The following GRK6 variants were observed in gnomAD, a reference collection of about 807,000 sequenced individuals.
GRK6 encodes G protein-coupled receptor kinase 6.
In GRK6, 37 loss-of-function variants were observed where a neutral mutation model predicts 80.8. The ratio of observed to expected loss-of-function variants is 0.46; its 90% CI spans 0.35 to 0.60. GRK6 has a LOEUF of 0.60. Among genes scored for constraint, GRK6 ranks in the 20% least tolerant of loss-of-function variants. The probability of loss-of-function intolerance (pLI) is 0.00; values close to 1 mark genes in which losing one functional copy is unlikely to be tolerated. For synonymous variants in GRK6, 295 were observed against 320.9 expected (o/e 0.92, Z 0.86); for missense variants, 560 against 784.6 (o/e 0.71, Z 3.42).
chr5:177,427,114 C>T (rs1395204011), intron 1 of GRK6, among the ~76,000 whole-genome samples: 2 of 152,070 alleles, frequency 1.3e-5, no homozygotes, highest in Non-Finnish European at 2.9e-5. Flanking sequence ...CAGGCCGCCG[C>T]CCTCGCGGCG....
chr5:177,431,202 CA>C (rs1439683785), intron 2 of GRK6, among the ~76,000 whole-genome samples: 1 of 152,218 alleles, frequency 6.6e-6, no homozygotes. Context: ...GGGAATAGGG[CA>C]GGGGCAGATT....
chr5:177,434,343 T>C (rs180833299), intron 9 of GRK6, among the ~76,000 whole-genome samples: 1 of 152,290 alleles, frequency 6.6e-6, no homozygotes, highest in Admixed American at 6.5e-5. Flanking sequence ...CCCCCCACCG[T>C]GTGACCTTGG....
intron 6 of GRK6, 23 bp from the exon 7 acceptor site, chr5:177,433,324 T>G (rs1763996457): frequency 6.2e-7 from 1 of 1,613,892 alleles, no homozygotes; most frequent in Non-Finnish European, 8.5e-7. Context: ...AGCCAGCGTT[T>G]GCTTCCCCAC....
At position 177,434,893 on chromosome 5, in the gene GRK6, T is replaced by C. The variant is rs183152765; in HGVS notation, c.930-9T>C. 2.9e-4 allele frequency: 472 copies of C among 1,613,250 alleles called. No individual in the cohort carries two copies. The highest frequency in any genetic ancestry group is 3.7e-4 in the Non-Finnish European group (438 of 1,179,810). On this transcript the variant is annotated splice_polypyrimidine_tract_variant and intron_variant, in intron 9 of 15. Coordinates refer to ENST00000355472, the MANE Select transcript of GRK6 (RefSeq NM_001004106.3). ...AGCAGCATCTGACCCTGCTCTTCTC[T>C]CTGCACAGGGACCTGAAGCCCGAGA...
chr5:177,436,015 G>T (rs1764129788), intron 11 of GRK6, 58 bp from the exon 12 acceptor site: 4 of 1,468,792 alleles, frequency 2.7e-6, no homozygotes, highest in Admixed American at 1.7e-5. Context: ...CGTTCCTGGG[G>T]CCTGAGGGTC....
rs368737569 is a variant in GRK6, at chr5:177,434,950, G to C, written c.967+11G>C. On this transcript the variant is annotated intron_variant, in intron 10 of 15. Transcript: ENST00000355472. ...TGCTGGATGACCACGGTGTGTAAGGGTGCCTGGGGTGGGTCAGGGTGGGGT... is the reference window on the plus strand; with the variant it reads ...TGCTGGATGACCACGGTGTGTAAGGCTGCCTGGGGTGGGTCAGGGTGGGGT... 1.6e-4 allele frequency: 260 copies of C among 1,613,342 alleles called. 1 individual carries two copies. Among genetic ancestry groups the C allele is most frequent in the Admixed American group, 5.0e-5 (3 of 60,004 alleles).
intron 13 of GRK6, chr5:177,438,520 G>GC (rs1315371641): frequency 6.6e-6 from 1 of 152,292 alleles, no homozygotes; most frequent in African/African-American, 2.4e-5. Flanking sequence ...TGGGGTGTGA[G>GC]CATTCCAGGC....
intron 5 of GRK6, 52 bp downstream of exon 5, chr5:177,432,858 T>C (rs1581678342): frequency 7.2e-7 from 1 of 1,395,220 alleles, no homozygotes; most frequent in African/African-American, 1.4e-5. Flanking sequence ...GGAGGGGGCT[T>C]CTGGGGGCCA....
chr5:177,441,107 G>T, intron 15 of GRK6, 54 bp downstream of exon 15: 1 of 1,598,780 alleles, frequency 6.3e-7, no homozygotes, highest in Non-Finnish European at 8.5e-7. Context: ...AGGGGACGGT[G>T]GGTGGGAGGC....
At chr5:177,425,754 T>A (rs1247736088), upstream of GRK6, among the ~76,000 whole-genome samples, 2 of 152,238 alleles carry the variant, frequency 1.3e-5, no homozygotes, top group African/African-American at 4.8e-5. Flanking sequence ...TCGCGGAGTT[T>A]GGGCAAGCCT....
At chr5:177,426,982 C>T in intron 1 of GRK6, 85 bp downstream of exon 1, 1 of 938,918 alleles carries the variant, frequency 1.1e-6, no homozygotes, top group Non-Finnish European at 1.4e-6. Flanking sequence ...ACCCAGCCGT[C>T]GGATCCCCTA....
intron 15 of GRK6, chr5:177,441,467 G>C: frequency 3.1e-6 from 2 of 640,504 alleles, no homozygotes; most frequent in Non-Finnish European, 5.4e-6. Context: ...CCAGGGGAGA[G>C]GGCTGGGCAG....
At chr5:177,434,203 C>T in intron 9 of GRK6, 99 bp downstream of exon 9, 1 of 1,185,378 alleles carries the variant, frequency 8.4e-7, no homozygotes, top group Non-Finnish European at 1.1e-6. Context: ...TCAGGCCAGA[C>T]TACAGAAGGA....
chr5:177,433,025 G>A (rs1464397180), intron 5 of GRK6, 122 bp from the exon 6 acceptor site: 2 of 882,558 alleles, frequency 2.3e-6, no homozygotes, highest in Non-Finnish European at 3.7e-6. Flanking sequence ...GTTAGCAGGA[G>A]GACTGGCCGA....
rs1764536640 is a variant in GRK6 at position 177,442,056 on chromosome 5, T to TA, written c.*267dup. The TA allele has an allele frequency of 2.0e-6, 1 of 496,988 alleles. No individual in the cohort carries two copies. The highest frequency in any genetic ancestry group is 3.5e-6 in the Non-Finnish European group (1 of 282,400). 30.8% of individuals were successfully genotyped at this position (496,988 alleles called of 1,614,324 possible). On this transcript the variant is annotated 3_prime_UTR_variant, in exon 16 of 16. Coordinates refer to ENST00000355472, the MANE Select transcript of GRK6 (RefSeq NM_001004106.3). ...CTGTATTTATGTATTTGTACGAATGTATATAGCGACCAGAGCATTCTTAAT... is the reference window on the plus strand; with the variant it reads ...CTGTATTTATGTATTTGTACGAATGTAATATAGCGACCAGAGCATTCTTAAT...
At chr5:177,432,426 C>A (rs955176808) in intron 4 of GRK6, 116 bp downstream of exon 4, 2 of 1,036,150 alleles carry the variant, frequency 1.9e-6, no homozygotes, top group African/African-American at 1.6e-5. Flanking sequence ...ACATGTAACA[C>A]ACAGCCTGGA....
At chr5:177,437,206 C>A (rs1005914258) in intron 13 of GRK6, among the ~76,000 whole-genome samples, 2 of 152,148 alleles carry the variant, frequency 1.3e-5, no homozygotes, top group African/African-American at 2.4e-5. Context: ...CCTCTTGCCT[C>A]GGCCTCCCAA....
At chr5:177,425,971 CA>C (rs1763636960), upstream of GRK6, among the ~76,000 whole-genome samples, 4 of 152,230 alleles carry the variant, frequency 2.6e-5, no homozygotes, top group African/African-American at 9.6e-5. Context: ...TATAAGGCGG[CA>C]GAGGCCGAGG....
chr5:177,434,034 C>T lies in GRK6; in HGVS notation c.859C>T (p.Arg287Trp), dbSNP rs777094286. 3.7e-6 allele frequency: 6 copies of T among 1,611,662 alleles called. No homozygotes were observed. Among genetic ancestry groups the T allele is most frequent in the East Asian group, 2.2e-5 (1 of 44,862 alleles). ...HMGQAGFPEARAVFYAAEICC... is the reference protein window; with the variant it reads ...HMGQAGFPEAWAVFYAAEICC... Reference sequence around the variant, plus strand: ...GGGCCAGGCTGGCTTCCCCGAAGCGCGGGCCGTCTTCTACGCCGCCGAGAT... The same window carrying T: ...GGGCCAGGCTGGCTTCCCCGAAGCGTGGGCCGTCTTCTACGCCGCCGAGAT... The change falls in exon 9 of 16, where the codon CGG becomes TGG. Residue 287 changes from arginine (R) to tryptophan (W), a missense_variant. By Grantham distance (101) the Arg-to-Trp change is moderately radical (BLOSUM62 -3). Coordinates refer to ENST00000355472, the MANE Select transcript of GRK6 (RefSeq NM_001004106.3).
Sources: allele counts gnomAD v4.1 joint callset (sites outside exome capture counted in the v4.1 genomes callset), GRCh38; gene constraint gnomAD v4.1.1; transcripts MANE v1.5; gene names NCBI Gene and HGNC (gene_info 2026-07-23, HGNC 2026-07-21).